The following TTK variants were observed in gnomAD, a reference collection of about 807,000 sequenced individuals.
TTK encodes dual specificity protein kinase TTK.
Under a neutral mutation model 117.3 loss-of-function variants are expected in TTK, and 59 were observed. The observed-to-expected ratio is 0.50, with a 90% CI of 0.41 to 0.62. The LOEUF is 0.62. Ranked by LOEUF, TTK falls within the 20% of genes least tolerant of loss-of-function variation. The pLI, the probability that TTK is intolerant of heterozygous loss-of-function variation, is 0.00. For missense variants in TTK, 921 were observed against 989.4 expected, an observed-to-expected ratio of 0.93 and a Z score of 0.93; for synonymous variants, 302 against 325.0, an observed-to-expected ratio of 0.93 and a Z score of 0.76.
chr6:80,020,521 G>T (rs1333575101), intron 10 of TTK, among the ~76,000 whole-genome samples: 1 of 152,182 alleles, frequency 6.6e-6, no homozygotes, highest in Non-Finnish European at 1.5e-5. Context: ...AGCTTTAGAA[G>T]ACTGTTTAAT....
chr6:80,023,263 A>T (rs1396043239), intron 11 of TTK, among the ~76,000 whole-genome samples: 3 of 152,192 alleles, frequency 2.0e-5, no homozygotes, highest in African/African-American at 7.2e-5. Flanking sequence ...TTAGGAAGTA[A>T]AGCCAAGAAA....
At position 80,042,328 on chromosome 6, in the gene TTK, C is replaced by A; in HGVS notation, c.*126C>A. ...TGAAGTGTTATCAGCAAAAAAAATT[C>A]AGTAGATTATCTTTAAAAGAAAACT... is the stretch of plus-strand genomic sequence containing the variant. On this transcript the variant is annotated 3_prime_UTR_variant, in exon 22 of 22. Coordinates refer to ENST00000369798, the MANE Select transcript of TTK (RefSeq NM_003318.5). The A allele has an allele frequency of 3.1e-6, 2 of 642,774 alleles. No individual in the cohort carries two copies. Among genetic ancestry groups the A allele is most frequent in the Non-Finnish European group, 5.0e-6 (2 of 397,320 alleles). 39.8% of individuals were successfully genotyped at this position (642,774 alleles called of 1,614,324 possible). A position where few individuals can be genotyped will look rare whatever the true frequency, so the allele number is the denominator to read the frequency against.
rs1342218466 is a variant in TTK, at chr6:80,031,577, T to A, written c.1614+18T>A. On this transcript the variant is annotated intron_variant, in intron 14 of 21. Coordinates refer to ENST00000369798, the MANE Select transcript of TTK (RefSeq NM_003318.5). ...CAAGCAAGGTAAGTATCTTAAAATA[T>A]TTACGAAATAAATAAAAATATTTTA... 2.1e-6 allele frequency: 3 copies of A among 1,444,554 alleles called. No homozygotes were observed. The South Asian group carries it at 4.4e-5, about 21-fold the overall frequency. 89.5% of individuals were successfully genotyped at this position (1,444,554 alleles called of 1,614,324 possible). A position where few individuals can be genotyped will look rare whatever the true frequency, so the allele number is the denominator to read the frequency against.
At chr6:80,017,588 C>T (rs1027273126) in intron 10 of TTK, among the ~76,000 whole-genome samples, 1 of 152,148 alleles carries the variant, frequency 6.6e-6, no homozygotes, top group African/African-American at 2.4e-5. Context: ...CTAATGCTCT[C>T]TTAGTAGCTG....
chr6:80,022,318 T>C lies in TTK; in HGVS notation c.1109-6T>C. 6.2e-7 allele frequency: 1 copy of C among 1,605,224 alleles called. No homozygotes were observed. The highest frequency in any genetic ancestry group is 8.5e-7 in the Non-Finnish European group (1 of 1,177,834). On this transcript the variant is annotated splice_polypyrimidine_tract_variant and splice_region_variant and intron_variant, in intron 10 of 21. Coordinates refer to ENST00000369798, the MANE Select transcript of TTK (RefSeq NM_003318.5). Reference sequence around the variant, plus strand: ...TGCTTTTTAATGACAACAAATACAATTTCAGAAACTAAAGAGTATCAAGAA... The same window carrying C: ...TGCTTTTTAATGACAACAAATACAACTTCAGAAACTAAAGAGTATCAAGAA...
chr6:80,007,162 A>G (rs973812355), intron 2 of TTK, among the ~76,000 whole-genome samples: 1 of 152,156 alleles, frequency 6.6e-6, no homozygotes, highest in South Asian at 2.1e-4. Flanking sequence ...GGTCCTATAA[A>G]TTCCAAAGGT....
chr6:80,011,077 G>A lies in TTK; in HGVS notation c.613+120G>A, dbSNP rs1767134110. The A allele has an allele frequency of 4.1e-6, 5 of 1,219,932 alleles. No homozygotes were observed. In the Admixed American group the frequency reaches 1.5e-4, roughly 36 times the overall value. 75.6% of individuals were successfully genotyped at this position (1,219,932 alleles called of 1,614,324 possible). On this transcript the variant is annotated intron_variant, in intron 5 of 21. Transcript: ENST00000369798. ...AATGGTTAAAATCTAAGATTAAATTGTAAAGGAGGTAAGACTGAGAAGTAA... is the reference window on the plus strand; with the variant it reads ...AATGGTTAAAATCTAAGATTAAATTATAAAGGAGGTAAGACTGAGAAGTAA...
chr6:80,037,020 A>G (rs1223380108), intron 17 of TTK, among the ~76,000 whole-genome samples: 2 of 152,138 alleles, frequency 1.3e-5, no homozygotes, highest in Non-Finnish European at 2.9e-5. Context: ...AAATTGGAAA[A>G]AAAATTCTTA....
At chr6:80,021,585 A>G (rs937576862) in intron 10 of TTK, among the ~76,000 whole-genome samples, 2 of 152,178 alleles carry the variant, frequency 1.3e-5, no homozygotes, top group African/African-American at 2.4e-5. Flanking sequence ...GACCATTTCA[A>G]CTTTTTGGGC....
intron 15 of TTK, 42 bp downstream of exon 15, chr6:80,035,184 T>C: frequency 6.5e-7 from 1 of 1,528,908 alleles, no homozygotes; most frequent in African/African-American, 1.4e-5. Flanking sequence ...CTTTTTGCCA[T>C]AATTCTTCAG....
At chr6:80,041,709 A>G (rs970586640) in intron 21 of TTK, among the ~76,000 whole-genome samples, 3 of 150,870 alleles carry the variant, frequency 2.0e-5, no homozygotes, top group Non-Finnish European at 3.0e-5. Flanking sequence ...TCTAATTATT[A>G]TATTTATATA....
At chr6:80,005,677 CTTG>C (rs1035103919) in intron 1 of TTK, 162 bp from the exon 2 acceptor site, 14 of 655,564 alleles carry the variant, frequency 2.1e-5, no homozygotes, top group African/African-American at 3.7e-5. Context: ...AGATGTGTAC[CTTG>C]TTGTTGTGCA....
At chr6:80,012,035 A>G in intron 8 of TTK, 55 bp downstream of exon 8, 1 of 1,433,016 alleles carries the variant, frequency 7.0e-7, no homozygotes, top group East Asian at 2.3e-5. Context: ...GATTAATGGC[A>G]GAATGGTCTT....
At position 80,010,918 on chromosome 6, in the gene TTK, A is replaced by G. The variant is rs1335082917; in HGVS notation, c.574A>G (p.Lys192Glu). 1 of 1,612,418 alleles carries G rather than the reference A, an allele frequency of 6.2e-7. No homozygotes were observed. The highest frequency in any genetic ancestry group is 1.1e-5 in the South Asian group (1 of 91,014). The change falls in exon 5 of 22, where the codon AAG (lysine) becomes GAG (glutamate). Residue 192 changes from lysine to glutamate, a missense_variant. Transcript: ENST00000369798. The part of the protein sequence containing the change: ...IALRNLNLQK[K>E]QLLSEEEKKN... ...CCTGCGGAATTTAAACCTCCAAAAA[A>G]AGCAGCTGCTTTCAGAGGAGGAAAA...
Position 80,026,374 on chromosome 6 carries a change from T to G in TTK, c.1258-4T>G. The G allele has an allele frequency of 6.2e-7, 1 of 1,607,328 alleles. No individual in the cohort carries two copies. Among genetic ancestry groups the G allele is most frequent in the Admixed American group, 1.7e-5 (1 of 58,334 alleles). On this transcript the variant is annotated splice_region_variant and splice_polypyrimidine_tract_variant and intron_variant, in intron 11 of 21. Transcript: ENST00000369798. The stretch of plus-strand genomic sequence containing the variant: ...AAATCATGGTGTTCTTTATTTTGTT[T>G]TAGCAGAAACATACCACTTTTGAGC...
intron 11 of TTK, among the ~76,000 whole-genome samples, chr6:80,024,228 T>C (rs1767544978): frequency 6.6e-6 from 1 of 152,222 alleles, no homozygotes. Context: ...AACGTAGCTT[T>C]ATATGATCCA....
At chr6:80,007,472 G>A (rs1163527351) in intron 2 of TTK, among the ~76,000 whole-genome samples, 1 of 151,986 alleles carries the variant, frequency 6.6e-6, no homozygotes, top group East Asian at 1.9e-4. Flanking sequence ...GGATAGGTAG[G>A]ATGCTAAAAT....
chr6:80,023,351 T>C (rs1055725337), intron 11 of TTK, among the ~76,000 whole-genome samples: 2 of 152,242 alleles, frequency 1.3e-5, no homozygotes, highest in Non-Finnish European at 2.9e-5. Context: ...CCCAGCACTT[T>C]GGGAGGCCAA....
intron 10 of TTK, 92 bp downstream of exon 10, chr6:80,014,678 T>G: frequency 1.6e-6 from 2 of 1,260,314 alleles, no homozygotes; most frequent in East Asian, 4.9e-5. Context: ...AGAATTATGA[T>G]GTGAAACTGT....
Sources: allele counts gnomAD v4.1 joint callset (sites outside exome capture counted in the v4.1 genomes callset), GRCh38; gene constraint gnomAD v4.1.1; transcripts MANE v1.5; gene names NCBI Gene and HGNC (gene_info 2026-07-23, HGNC 2026-07-21).